The following PREX2 variants were observed in gnomAD, a reference collection of about 807,000 sequenced individuals.
PREX2 encodes the protein phosphatidylinositol 3,4,5-trisphosphate-dependent Rac exchanger 2 protein.
A neutral mutation model predicts 203.2 loss-of-function variants in PREX2; 107 were observed. The observed-to-expected ratio is 0.53, with a 90% confidence interval of 0.45 to 0.62. PREX2 has a LOEUF of 0.62. Ranked by LOEUF, PREX2 falls within the 20% of genes least tolerant of loss-of-function variation. The pLI, the probability that PREX2 is intolerant of heterozygous loss-of-function variation, is 0.00. For missense variants in PREX2, 1,777 were observed against 1,955.9 expected (o/e 0.91, Z 1.72); for synonymous variants, 672 against 663.6 (o/e 1.01, Z -0.19).
intron 34 of PREX2, among the ~76,000 whole-genome samples, chr8:68,154,000 A>G (rs748435090): frequency 6.6e-6 from 1 of 152,264 alleles, no homozygotes; most frequent in Non-Finnish European, 1.5e-5. Context: ...AATTTGGGAC[A>G]GGACTGGCCA....
chr8:68,055,825 G>A lies in PREX2; in HGVS notation c.1094-5G>A. 1 of 1,606,944 alleles carries A rather than the reference G, an allele frequency of 6.2e-7. No individual in the cohort carries two copies. Among genetic ancestry groups the A allele is most frequent in the Non-Finnish European group, 8.5e-7 (1 of 1,178,172 alleles). On this transcript the variant is annotated splice_polypyrimidine_tract_variant and splice_region_variant and intron_variant, in intron 9 of 39. Transcript: ENST00000288368. ...GTTACCTCTCCTTTCTTTCATTTTT[G>A]ATAGGTTTAAAATTAGGAATGGAGC... is the stretch of plus-strand genomic sequence containing the variant.
chr8:68,184,136 G>A (rs576539358), intron 35 of PREX2, among the ~76,000 whole-genome samples: 2 of 152,216 alleles, frequency 1.3e-5, no homozygotes, highest in Admixed American at 6.5e-5. Flanking sequence ...GTGGGATAGA[G>A]GTGCAAATTA....
chr8:68,125,407 T>C (rs1026332068), intron 30 of PREX2, among the ~76,000 whole-genome samples: 4 of 152,152 alleles, frequency 2.6e-5, no homozygotes, highest in African/African-American at 9.6e-5. Flanking sequence ...ATCTGTTATA[T>C]ACCACAGGTG....
chr8:68,014,797 G>A (rs977835590), intron 1 of PREX2, among the ~76,000 whole-genome samples: 2 of 152,188 alleles, frequency 1.3e-5, no homozygotes, highest in Non-Finnish European at 1.5e-5. Context: ...TTGTTCATCA[G>A]AAGATGATCT....
chr8:68,194,994 A>T (rs1563582447), intron 37 of PREX2, among the ~76,000 whole-genome samples: 1 of 152,166 alleles, frequency 6.6e-6, no homozygotes, highest in East Asian at 1.9e-4. Flanking sequence ...TTACCCTGGT[A>T]CAAGATCATA....
intron 26 of PREX2, among the ~76,000 whole-genome samples, chr8:68,116,192 A>G (rs1585806719): frequency 6.6e-6 from 1 of 152,182 alleles, no homozygotes; most frequent in African/African-American, 2.4e-5. Flanking sequence ...GTTGTTCTGT[A>G]TATGGATTGT....
intron 8 of PREX2, among the ~76,000 whole-genome samples, chr8:68,048,192 A>G (rs1052606414): frequency 1.3e-5 from 2 of 152,062 alleles, no homozygotes; most frequent in Non-Finnish European, 2.9e-5. Flanking sequence ...TTCTGGGTCT[A>G]CTAGTTTGAT....
At chr8:68,193,339 TTC>T (rs1311773190) in intron 37 of PREX2, among the ~76,000 whole-genome samples, 1 of 152,224 alleles carries the variant, frequency 6.6e-6, no homozygotes, top group Non-Finnish European at 1.5e-5. Flanking sequence ...ATACTTTAAG[TTC>T]TGGGGTACAT....
rs969692329 is a variant in PREX2 at position 68,060,610 on chromosome 8, G to A, written c.1239-69G>A. The A allele has an allele frequency of 3.2e-6, 3 of 941,446 alleles. No homozygotes were observed. The Admixed American group carries it at 6.3e-5, about 20-fold the overall frequency. 58.3% of individuals were successfully genotyped at this position (941,446 alleles called of 1,614,324 possible). ...TTCCTTTCATCATTGCTTCATGACT[G>A]GATGGTATAGAAAGACTTGCTGGGG... On this transcript the variant is annotated intron_variant, in intron 10 of 39. Coordinates refer to ENST00000288368, the MANE Select transcript of PREX2 (RefSeq NM_024870.4).
intron 8 of PREX2, among the ~76,000 whole-genome samples, chr8:68,050,924 A>G (rs1298764250): frequency 2.0e-5 from 3 of 152,182 alleles, no homozygotes; most frequent in Admixed American, 1.3e-4. Context: ...ACATATTAGA[A>G]CATAGTGGAA....
intron 1 of PREX2, among the ~76,000 whole-genome samples, chr8:67,991,543 T>A (rs1806609109): frequency 6.6e-6 from 1 of 152,070 alleles, no homozygotes; most frequent in Non-Finnish European, 1.5e-5. Flanking sequence ...CCCAGCGAAG[T>A]GGGAAGAGCC....
intron 1 of PREX2, among the ~76,000 whole-genome samples, chr8:68,003,561 T>TG (rs908003899): frequency 1.3e-5 from 2 of 152,176 alleles, no homozygotes; most frequent in Admixed American, 6.5e-5. Flanking sequence ...TTAAGTTACT[T>TG]GCTGTAATTA....
chr8:67,954,358 A>C (rs1399474006), intron 1 of PREX2, among the ~76,000 whole-genome samples: 2 of 152,218 alleles, frequency 1.3e-5, no homozygotes, highest in African/African-American at 2.4e-5. Context: ...TGGCTTACAA[A>C]GCCTAAGATC....
intron 6 of PREX2, 83 bp from the exon 7 acceptor site, chr8:68,038,076 A>C: frequency 7.0e-7 from 1 of 1,422,002 alleles, no homozygotes; most frequent in Middle Eastern, 1.8e-4. Flanking sequence ...AATAAAAACA[A>C]CCATAATTGT....
chr8:68,143,192 G>C (rs1042749383), intron 33 of PREX2, among the ~76,000 whole-genome samples: 7 of 152,136 alleles, frequency 4.6e-5, no homozygotes, highest in Admixed American at 3.9e-4. Flanking sequence ...GTAATCCCCA[G>C]TGTTGGAGAT....
intron 10 of PREX2, among the ~76,000 whole-genome samples, chr8:68,060,328 G>A (rs1448121960): frequency 6.6e-6 from 1 of 152,128 alleles, no homozygotes; most frequent in Non-Finnish European, 1.5e-5. Flanking sequence ...TTTAGGATCT[G>A]TTGCAATCCT....
chr8:68,149,572 A>G (rs1358142518), intron 34 of PREX2, among the ~76,000 whole-genome samples: 1 of 152,206 alleles, frequency 6.6e-6, no homozygotes, highest in South Asian at 2.1e-4. Flanking sequence ...GCAAGCAACT[A>G]TAAGTTGGCA....
Position 68,104,726 on chromosome 8 carries a change from A to T in PREX2, c.2716-3383A>T, listed in dbSNP as rs939652071. Among the ~76,000 whole-genome samples, 3 of 152,190 alleles carry T rather than the reference A, an allele frequency of 2.0e-5. No individual in the cohort carries two copies. In the East Asian group the frequency reaches 5.8e-4, roughly 29 times the overall value. On this transcript the variant is annotated intron_variant, in intron 23 of 39. Coordinates refer to ENST00000288368, the MANE Select transcript of PREX2 (RefSeq NM_024870.4). ...TCACTGGAATGTAACCTCCCGGAAG[A>T]CAGGAATCTTTGTTTTGTTTACTGA...
intron 1 of PREX2, among the ~76,000 whole-genome samples, chr8:68,001,233 T>G (rs1232728081): frequency 6.6e-6 from 1 of 152,074 alleles, no homozygotes; most frequent in Non-Finnish European, 1.5e-5. Context: ...ATAAGGAACT[T>G]AAATTTACAA....
Sources: gnomAD v4.1 joint callset for allele counts (sites outside exome capture counted in the v4.1 genomes callset) on GRCh38, gnomAD v4.1.1 for gene constraint, MANE v1.5 for transcripts, NCBI Gene and HGNC (gene_info 2026-07-23, HGNC 2026-07-21) for gene names.